Variants in LAMA2 observed in about 807,000 individuals in gnomAD.
LAMA2 encodes the protein laminin subunit alpha 2.
Under a neutral mutation model 364.8 loss-of-function variants are expected in LAMA2, and 269 were observed. That is an observed-to-expected ratio of 0.74 (90% CI 0.67 to 0.82). The LOEUF (loss-of-function observed/expected upper bound fraction) is 0.82, where lower values mean the gene tolerates loss of function less well. Ranked by LOEUF, LAMA2 falls within the 40% of genes least tolerant of loss-of-function variation. The pLI is 0.00. For synonymous variants in LAMA2, 1,379 were observed against 1,370.6 expected (o/e 1.01, Z -0.14); for missense variants, 3,807 against 3,873.2 (o/e 0.98, Z 0.45).
chr6:128,899,999 TTTTC>T (rs762395836), intron 1 of LAMA2, among the ~76,000 whole-genome samples: 12 of 152,190 alleles, frequency 7.9e-5, no homozygotes, highest in Non-Finnish European at 1.3e-4. Context: ...CTGTTTTCAT[TTTTC>T]TTTGTTTCTT....
intron 20 of LAMA2, among the ~76,000 whole-genome samples, chr6:129,292,382 T>A (rs1417835953): frequency 1.3e-5 from 2 of 152,218 alleles, no homozygotes; most frequent in East Asian, 3.8e-4. Context: ...CTCCCTTTGC[T>A]TTTTAGCAAA....
At chr6:129,179,062 A>G (rs949234432) in intron 10 of LAMA2, among the ~76,000 whole-genome samples, 1 of 152,060 alleles carries the variant, frequency 6.6e-6, no homozygotes, top group Non-Finnish European at 1.5e-5. Context: ...TTTCATTCCA[A>G]TATTATCTGA....
In LAMA2 at chr6:129,273,967, A is replaced by G. The variant is rs897989088; in HGVS notation, c.2450+3216A>G. ...ATTAAAATTAGCAAATTACTAAATA[A>G]TAATTTTACTTCTAGCAGTAGAATT... On this transcript the variant is annotated intron_variant, in intron 17 of 64. Transcript: ENST00000421865. Among the ~76,000 whole-genome samples, 3 of 151,872 alleles carry G rather than the reference A, an allele frequency of 2.0e-5. No homozygotes were observed. In the South Asian group the frequency reaches 6.2e-4, roughly 31 times the overall value.
chr6:129,187,279 A>T (rs1161212026), intron 10 of LAMA2, among the ~76,000 whole-genome samples: 5 of 151,790 alleles, frequency 3.3e-5, no homozygotes, highest in Non-Finnish European at 7.4e-5. Flanking sequence ...GACTGTCAAG[A>T]TCATATATAT....
In LAMA2 at chr6:129,290,283, C is replaced by T. The variant is rs1430506435; in HGVS notation, c.2750-1331C>T. Among the ~76,000 whole-genome samples, 4 of 152,074 alleles carry T rather than the reference C, an allele frequency of 2.6e-5. No homozygotes were observed. In the East Asian group the frequency reaches 7.7e-4, roughly 29 times the overall value. ...TTTCATAAAATAATAAAAGTATATA[C>T]AAATTCGATAAATCAGATGAAAATG... On this transcript the variant is annotated intron_variant, in intron 19 of 64. Coordinates refer to ENST00000421865, the MANE Select transcript of LAMA2 (RefSeq NM_000426.4).
intron 34 of LAMA2, among the ~76,000 whole-genome samples, chr6:129,372,088 C>T (rs977998160): frequency 2.0e-5 from 3 of 152,098 alleles, no homozygotes; most frequent in African/African-American, 7.2e-5. Flanking sequence ...CTCCCTGCCC[C>T]CACAACCTTC....
chr6:129,385,085 G>A (rs368279703), intron 35 of LAMA2, among the ~76,000 whole-genome samples: 1 of 86,536 alleles, frequency 1.2e-5, no homozygotes, highest in Non-Finnish European at 2.4e-5. Flanking sequence ...GAAGAGAGGG[G>A]AGGGAGGAAA....
chr6:129,443,139 C>T (rs1294481707), intron 44 of LAMA2, 71 bp downstream of exon 44: 17 of 1,148,134 alleles, frequency 1.5e-5, no homozygotes, highest in Non-Finnish European at 2.1e-5. Flanking sequence ...AAAGTTTCAG[C>T]TTTGCATGTA....
chr6:129,005,264 T>C (rs1005830707), intron 1 of LAMA2, among the ~76,000 whole-genome samples: 6 of 152,154 alleles, frequency 3.9e-5, no homozygotes, highest in African/African-American at 1.2e-4. Flanking sequence ...CCCTTCCTTT[T>C]CTTCCCTATC....
intron 1 of LAMA2, among the ~76,000 whole-genome samples, chr6:128,885,524 A>G (rs979580505): frequency 3.3e-5 from 5 of 152,092 alleles, no homozygotes; most frequent in African/African-American, 9.7e-5. Flanking sequence ...TTTTCTTTTT[A>G]GTGTTGTTCC....
rs759439358 is a variant in LAMA2 at position 129,492,409 on chromosome 6, C to G, written c.8170C>G (p.Pro2724Ala). 4.3e-6 allele frequency: 7 copies of G among 1,614,158 alleles called. No homozygotes were observed. Among genetic ancestry groups the G allele is most frequent in the Non-Finnish European group, 5.9e-6 (7 of 1,180,004 alleles). ...CCGTGAAGATGAAGATGGAGCAGCT[C>G]CAGCTGAAATAGTTATCCAGCCTGA... is the stretch of plus-strand genomic sequence containing the variant. ...KLREDEDGAA[P>A]AEIVIQPEPV... The change falls in exon 58 of 65, where the codon CCA (proline) becomes GCA (alanine). Residue 2724 changes from proline to alanine, a missense_variant. Pro to Ala is a conservative substitution (Grantham distance 27, BLOSUM62 -1). Transcript: ENST00000421865.
At chr6:129,216,076 G>A (rs559994086) in intron 12 of LAMA2, among the ~76,000 whole-genome samples, 3 of 152,242 alleles carry the variant, frequency 2.0e-5, no homozygotes, top group African/African-American at 7.2e-5. Flanking sequence ...TATTATCAAA[G>A]TCATGAATCA....
intron 1 of LAMA2, among the ~76,000 whole-genome samples, chr6:128,989,532 C>G (rs1476274844): frequency 2.0e-5 from 3 of 152,196 alleles, no homozygotes. Context: ...GGCTCCCCAT[C>G]TATTAAGTGG....
In LAMA2 at chr6:129,402,343, C is replaced by A. The variant is rs1321025173; in HGVS notation, c.5582C>A (p.Thr1861Asn). The A allele has an allele frequency of 1.2e-6, 2 of 1,613,148 alleles. No individual in the cohort carries two copies. The highest frequency in any genetic ancestry group is 1.7e-6 in the Non-Finnish European group (2 of 1,179,550). ...SIIDYVEDIQ[T>N]KLPPMSEELN... is the part of the protein sequence containing the mutation. The stretch of plus-strand genomic sequence containing the variant: ...TATCAGTATGTTGAAGACATCCAAA[C>A]TAAATTGCCACCTATGTCTGAGGAG... Residue 1861 changes from threonine (T) to asparagine (N), a missense_variant, in exon 39 of 65, where the codon ACT becomes AAT. This residue lies in a region of LAMA2 where 3,333 missense variants were observed against 3,345.7 expected (regional missense o/e 1.00). Coordinates refer to ENST00000421865, the MANE Select transcript of LAMA2 (RefSeq NM_000426.4).
intron 1 of LAMA2, among the ~76,000 whole-genome samples, chr6:128,942,391 A>G (rs1424618611): frequency 6.6e-6 from 1 of 152,184 alleles, no homozygotes; most frequent in African/African-American, 2.4e-5. Flanking sequence ...TCGTCTTCCC[A>G]TTGAAGACTA....
At chr6:128,893,419 T>C (rs1000030545) in intron 1 of LAMA2, among the ~76,000 whole-genome samples, 1 of 151,830 alleles carries the variant, frequency 6.6e-6, no homozygotes, top group Non-Finnish European at 1.5e-5. Context: ...AATATACATA[T>C]ATGTATTAAT....
intron 1 of LAMA2, among the ~76,000 whole-genome samples, chr6:129,040,478 A>C (rs1342537946): frequency 6.6e-6 from 1 of 152,004 alleles, no homozygotes; most frequent in Non-Finnish European, 1.5e-5. Flanking sequence ...AAAAAATAGA[A>C]ATTAGCTGTA....
At chr6:129,442,141 C>T (rs964760274) in intron 43 of LAMA2, 2 of 1,101,678 alleles carry the variant, frequency 1.8e-6, no homozygotes, top group Non-Finnish European at 1.2e-6. Context: ...AAAACAAAAG[C>T]ACTGTAATTG....
chr6:129,372,646 C>A (rs1487136984), intron 34 of LAMA2, among the ~76,000 whole-genome samples: 1 of 152,116 alleles, frequency 6.6e-6, no homozygotes, highest in East Asian at 1.9e-4. Context: ...AGTTTTCAAC[C>A]TATTTGGGTG....
Sources: allele counts gnomAD v4.1 joint callset (sites outside exome capture counted in the v4.1 genomes callset), GRCh38; gene constraint gnomAD v4.1.1; regional missense constraint gnomAD v4.1.1; transcripts MANE v1.5; gene names NCBI Gene and HGNC (gene_info 2026-07-23, HGNC 2026-07-21).